The following ST6GALNAC3 variants were observed in gnomAD, a reference collection of about 807,000 sequenced individuals.
ST6GALNAC3 encodes ST6 N-acetylgalactosaminide alpha-2,6-sialyltransferase 3.
ST6GALNAC3 carries 25 observed loss-of-function variants against 32.7 expected under a neutral mutation model. The observed-to-expected ratio is 0.76, with a 90% CI of 0.56 to 1.07. ST6GALNAC3 has a LOEUF of 1.07. ST6GALNAC3 is among the 50% of genes least tolerant of loss of function. ST6GALNAC3 has a pLI of 0.00. For synonymous variants in ST6GALNAC3, 129 were observed against 133.1 expected (o/e 0.97, Z 0.21); for missense variants, 355 against 382.4 (o/e 0.93, Z 0.60).
chr1:76,409,249 C>T lies in ST6GALNAC3; in HGVS notation c.214-2759C>T, dbSNP rs189409392. The stretch of plus-strand genomic sequence containing the variant: ...TGGTGCCTGGACCACCTGCTACTCA[C>T]ATTAGTTGAGAAACCTTACTGTGTT... On this transcript the variant is annotated intron_variant, in intron 2 of 4. Coordinates refer to ENST00000328299, the MANE Select transcript of ST6GALNAC3 (RefSeq NM_152996.4). 2.2e-4 allele frequency among the ~76,000 whole-genome samples: 34 copies of T among 152,200 alleles called. No homozygotes were observed. The East Asian group carries it at 6.6e-3, about 30-fold the overall frequency.
rs2100733771 is a variant in ST6GALNAC3 at position 76,629,201 on chromosome 1, C to G, written c.*395C>G. 9.9e-7 allele frequency: 1 copy of G among 1,006,770 alleles called. No individual in the cohort carries two copies. The highest frequency in any genetic ancestry group is 1.1e-4 in the East Asian group (1 of 9,116). The allele number at this position is 1,006,770 out of a possible 1,614,324, so 62.4% of individuals were successfully genotyped here. A position where few individuals can be genotyped will look rare whatever the true frequency, so the allele number is the denominator to read the frequency against. The stretch of plus-strand genomic sequence containing the variant: ...GCTTCATGAGGCAAGGTGATTGACT[C>G]AATGGCTTGTTGAATCTCAGCAGTT... On this transcript the variant is annotated 3_prime_UTR_variant, in exon 5 of 5. Transcript: ENST00000328299.
At chr1:76,484,040 G>C (rs538451084) in intron 3 of ST6GALNAC3, among the ~76,000 whole-genome samples, 84 of 152,190 alleles carry the variant, frequency 5.5e-4, no homozygotes, top group African/African-American at 2.0e-3. Flanking sequence ...GTAAATGTGT[G>C]GTATTATTTC....
chr1:76,630,061 T>C lies in ST6GALNAC3; in HGVS notation c.*1255T>C, dbSNP rs1315090191. 18 of 985,168 alleles carry C rather than the reference T, an allele frequency of 1.8e-5. No homozygotes were observed. The highest frequency in any genetic ancestry group is 2.0e-5 in the Non-Finnish European group (17 of 829,858). 61.0% of individuals were successfully genotyped at this position (985,168 alleles called of 1,614,324 possible). ...ACATCTGTTATACCATGTGATGCCC[T>C]TGAACACCCCATTGGGCTATTGTCT... On this transcript the variant is annotated 3_prime_UTR_variant, in exon 5 of 5. Coordinates refer to ENST00000328299, the MANE Select transcript of ST6GALNAC3 (RefSeq NM_152996.4).
intron 3 of ST6GALNAC3, among the ~76,000 whole-genome samples, chr1:76,432,443 C>CT (rs35527607): frequency 0.011 from 624 of 57,198 alleles, 130 homozygotes; most frequent in African/African-American, 0.026. Context: ...CCTTTATTGC[C>CT]TTTTTTTTTT....
intron 3 of ST6GALNAC3, among the ~76,000 whole-genome samples, chr1:76,544,340 C>G (rs1664165315): frequency 6.6e-6 from 1 of 151,960 alleles, no homozygotes; most frequent in Non-Finnish European, 1.5e-5. Flanking sequence ...TTAAAGAATT[C>G]CTCTGGATGC....
intron 2 of ST6GALNAC3, among the ~76,000 whole-genome samples, chr1:76,357,347 G>A (rs535248119): frequency 1.3e-5 from 2 of 152,064 alleles, no homozygotes; most frequent in East Asian, 3.9e-4. Context: ...TGTTGGCCAG[G>A]CTGGTCTCAA....
At chr1:76,285,376 C>T (rs967783964) in intron 1 of ST6GALNAC3, among the ~76,000 whole-genome samples, 5 of 77,704 alleles carry the variant, frequency 6.4e-5, no homozygotes, top group South Asian at 3.6e-4. Context: ...GGCCCCTGGT[C>T]GGGAGGATGG....
intron 3 of ST6GALNAC3, among the ~76,000 whole-genome samples, chr1:76,460,701 G>C (rs892280434): frequency 2.8e-4 from 43 of 152,274 alleles, no homozygotes; most frequent in Non-Finnish European, 2.4e-4. Context: ...GCTCTAAGCA[G>C]TAACACGATT....
At chr1:76,303,583 G>A (rs755170503) in intron 1 of ST6GALNAC3, among the ~76,000 whole-genome samples, 39 of 152,036 alleles carry the variant, frequency 2.6e-4, no homozygotes, top group Non-Finnish European at 5.3e-4. Flanking sequence ...ATAGTGAGCT[G>A]TTGCAAGTCC....
intron 1 of ST6GALNAC3, among the ~76,000 whole-genome samples, chr1:76,285,518 A>G (rs1466079845): frequency 6.6e-6 from 1 of 152,216 alleles, no homozygotes; most frequent in Non-Finnish European, 1.5e-5. Context: ...TTTTAAAATC[A>G]AGAATAAAAA....
chr1:76,133,356 G>A (rs186874926), intron 1 of ST6GALNAC3, among the ~76,000 whole-genome samples: 1 of 152,134 alleles, frequency 6.6e-6, no homozygotes, highest in Non-Finnish European at 1.5e-5. Context: ...CTGTCCTAGG[G>A]GCCTTCAGTC....
chr1:76,629,281 G>C lies in ST6GALNAC3; in HGVS notation c.*475G>C. On this transcript the variant is annotated 3_prime_UTR_variant, in exon 5 of 5. Transcript: ENST00000328299. ...AACACTGACCCAAGAACTGCTATCA[G>C]GGTGCAAGTATCTTACTACTTAGCC... is the stretch of plus-strand genomic sequence containing the variant. The C allele has an allele frequency of 2.0e-6, 2 of 988,868 alleles. No individual in the cohort carries two copies. Among genetic ancestry groups the C allele is most frequent in the Non-Finnish European group, 1.2e-6 (1 of 832,572 alleles). 61.3% of individuals were successfully genotyped at this position (988,868 alleles called of 1,614,324 possible). A position where few individuals can be genotyped will look rare whatever the true frequency, so the allele number is the denominator to read the frequency against.
chr1:76,143,134 G>A (rs1490592219), intron 1 of ST6GALNAC3, among the ~76,000 whole-genome samples: 1 of 152,128 alleles, frequency 6.6e-6, no homozygotes, highest in Non-Finnish European at 1.5e-5. Context: ...CTGTGGGAAG[G>A]AACCTATTTT....
chr1:76,439,668 T>G (rs896934521), intron 3 of ST6GALNAC3, among the ~76,000 whole-genome samples: 5 of 152,172 alleles, frequency 3.3e-5, no homozygotes, highest in Non-Finnish European at 7.3e-5. Context: ...TTTTTTTATC[T>G]GGGTTCATGC....
intron 1 of ST6GALNAC3, among the ~76,000 whole-genome samples, chr1:76,267,587 T>C (rs1188331389): frequency 2.6e-5 from 4 of 152,222 alleles, no homozygotes; most frequent in Non-Finnish European, 5.9e-5. Context: ...CTGATCTTTA[T>C]GATTCTTAGA....
rs1215037501 is a variant in ST6GALNAC3, at chr1:76,634,003, G to C, written c.*5197G>C. 4.7e-6 allele frequency: 1 copy of C among 211,798 alleles called. No individual in the cohort carries two copies. Among genetic ancestry groups the C allele is most frequent in the African/African-American group, 2.4e-5 (1 of 42,428 alleles). 13.1% of individuals were successfully genotyped at this position (211,798 alleles called of 1,614,324 possible). A position where few individuals can be genotyped will look rare whatever the true frequency, so the allele number is the denominator to read the frequency against. Reference sequence around the variant, plus strand: ...AGGCATCGAATCAGAACTGTCCTTGGGCGTTGTAACAGTGCAGAAAATCTC... The same window carrying C: ...AGGCATCGAATCAGAACTGTCCTTGCGCGTTGTAACAGTGCAGAAAATCTC... On this transcript the variant is annotated 3_prime_UTR_variant, in exon 5 of 5. Coordinates refer to ENST00000328299, the MANE Select transcript of ST6GALNAC3 (RefSeq NM_152996.4).
intron 3 of ST6GALNAC3, among the ~76,000 whole-genome samples, chr1:76,601,424 G>A (rs1421502419): frequency 2.6e-5 from 4 of 152,036 alleles, no homozygotes; most frequent in African/African-American, 9.7e-5. Context: ...TTTCCAAAAA[G>A]AGAAAATTAA....
chr1:76,570,990 G>A (rs925159622), intron 3 of ST6GALNAC3, among the ~76,000 whole-genome samples: 1 of 151,914 alleles, frequency 6.6e-6, no homozygotes, highest in Non-Finnish European at 1.5e-5. Flanking sequence ...ACCTCAAACT[G>A]TCCAAAATTA....
chr1:76,342,896 C>T (rs1648172291), intron 2 of ST6GALNAC3, among the ~76,000 whole-genome samples: 3 of 151,768 alleles, frequency 2.0e-5, no homozygotes, highest in Admixed American at 2.0e-4. Flanking sequence ...TGTTCAGTTT[C>T]TTTGCCCACT....
Sources: allele counts gnomAD v4.1 joint callset (sites outside exome capture counted in the v4.1 genomes callset), GRCh38; gene constraint gnomAD v4.1.1; transcripts MANE v1.5; gene names NCBI Gene and HGNC (gene_info 2026-07-23, HGNC 2026-07-21).